The following MET variants were observed in gnomAD, a reference collection of about 807,000 sequenced individuals.
MET encodes MET proto-oncogene, receptor tyrosine kinase, also known as hepatocyte growth factor receptor.
In MET, 48 loss-of-function variants were observed where a neutral mutation model predicts 133.1. That is an observed-to-expected ratio of 0.36 (90% CI 0.29 to 0.46). The LOEUF is 0.46. Ranked by LOEUF, MET falls within the 20% of genes least tolerant of loss-of-function variation. The pLI is 1.00. For synonymous variants in MET, 628 were observed against 616.5 expected (o/e 1.02, Z -0.28); for missense variants, 1,442 against 1,695.9 (o/e 0.85, Z 2.63).
chr7:116,769,682 T>C lies in MET; in HGVS notation c.2621T>C (p.Val874Ala). The change falls in exon 12 of 21, where the codon GTG becomes GCG. Residue 874 changes from valine to alanine, a missense_variant. Around this residue, in one of 6 missense-constraint regions of MET, gnomAD observed 514 missense variants for 659.6 expected, o/e 0.78. Transcript: ENST00000397752. ...DIDPEAVKGEVLKVGNKSCEN... is the reference protein window; with the variant it reads ...DIDPEAVKGEALKVGNKSCEN... ...GACCCTGAAGCAGTTAAAGGTGAAG[T>C]GTTAAAAGTTGGAAATAAGAGCTGT... 6.2e-7 allele frequency: 1 copy of C among 1,611,938 alleles called. No homozygotes were observed. Among genetic ancestry groups the C allele is most frequent in the Non-Finnish European group, 8.5e-7 (1 of 1,179,422 alleles).
chr7:116,786,189 G>C (rs1003393893), intron 19 of MET, among the ~76,000 whole-genome samples: 1 of 152,152 alleles, frequency 6.6e-6, no homozygotes, highest in African/African-American at 2.4e-5. Context: ...AAAAGAATAA[G>C]AGTCAGTTCT....
chr7:116,703,425 T>G (rs1791652968), intron 2 of MET, among the ~76,000 whole-genome samples: 1 of 152,158 alleles, frequency 6.6e-6, no homozygotes, highest in Non-Finnish European at 1.5e-5. Context: ...AAATTAGTAT[T>G]GATTGAAGTT....
intron 1 of MET, among the ~76,000 whole-genome samples, chr7:116,681,152 C>A (rs1224464741): frequency 6.6e-6 from 1 of 152,084 alleles, no homozygotes; most frequent in African/African-American, 2.4e-5. Context: ...TTAGTCTGTC[C>A]TCCCCTCAGT....
chr7:116,780,539 C>T (rs1358836653), intron 17 of MET, among the ~76,000 whole-genome samples: 2 of 152,202 alleles, frequency 1.3e-5, no homozygotes, highest in African/African-American at 2.4e-5. Context: ...GTGCTACCTT[C>T]TCTAGGGTAC....
chr7:116,763,521 C>G (rs1210891084), intron 11 of MET, among the ~76,000 whole-genome samples: 1 of 152,178 alleles, frequency 6.6e-6, no homozygotes, highest in East Asian at 1.9e-4. Flanking sequence ...CACAAATTAT[C>G]CATTAAAGAG....
intron 3 of MET, among the ~76,000 whole-genome samples, chr7:116,738,181 T>C (rs1793298421): frequency 6.6e-6 from 1 of 152,214 alleles, no homozygotes; most frequent in African/African-American, 2.4e-5. Flanking sequence ...TGTTTTTGTT[T>C]TTGTTTTGTT....
intron 1 of MET, among the ~76,000 whole-genome samples, chr7:116,695,032 G>A (rs957884483): frequency 2.0e-5 from 3 of 152,098 alleles, no homozygotes; most frequent in African/African-American, 7.2e-5. Flanking sequence ...TGCATTAATG[G>A]ACATCAACTA....
At chr7:116,680,841 C>T (rs188852840) in intron 1 of MET, among the ~76,000 whole-genome samples, 96 of 152,140 alleles carry the variant, frequency 6.3e-4, no homozygotes, top group African/African-American at 2.1e-3. Context: ...ACTCAGGAGG[C>T]TGAGGTGGGA....
At chr7:116,709,572 C>T (rs192289298) in intron 2 of MET, among the ~76,000 whole-genome samples, 115 of 151,970 alleles carry the variant, frequency 7.6e-4, no homozygotes, top group African/African-American at 1.7e-3. Context: ...TTTGCTTGGC[C>T]GAGAAAGAAG....
In MET at chr7:116,699,764, T is replaced by G; in HGVS notation, c.680T>G (p.Met227Arg). The change falls in exon 2 of 21, where the codon ATG (methionine) becomes AGG (arginine). Residue 227 changes from methionine to arginine, a missense_variant. Physicochemically the swap from Met to Arg is moderately conservative, Grantham distance 91. This residue lies in a region of MET where 762 missense variants were observed against 792.4 expected (regional missense o/e 0.96). Transcript: ENST00000397752. ...CTAAAGGAAACGAAAGATGGTTTTA[T>G]GTTTTTGACGGACCAGTCCTACATT... ...RRLKETKDGFMFLTDQSYIDV... is the reference protein window; with the variant it reads ...RRLKETKDGFRFLTDQSYIDV... The G allele has an allele frequency of 6.2e-7, 1 of 1,614,132 alleles. No individual in the cohort carries two copies. Among genetic ancestry groups the G allele is most frequent in the Non-Finnish European group, 8.5e-7 (1 of 1,179,970 alleles).
intron 1 of MET, among the ~76,000 whole-genome samples, chr7:116,689,735 ATTT>A (rs998294531): frequency 6.6e-6 from 1 of 151,562 alleles, no homozygotes; most frequent in East Asian, 1.9e-4. Flanking sequence ...TGCCTGGCTA[ATTT>A]TTTTATTTTT....
chr7:116,724,803 C>T, intron 2 of MET: 2 of 1,288,812 alleles, frequency 1.6e-6, no homozygotes, highest in Non-Finnish European at 1.0e-6. Context: ...AGGTGAAGAC[C>T]CTGGAGCCAG....
At chr7:116,788,126 A>T (rs1053041007) in intron 19 of MET, among the ~76,000 whole-genome samples, 3 of 152,232 alleles carry the variant, frequency 2.0e-5, no homozygotes, top group Non-Finnish European at 4.4e-5. Context: ...AGAAAGAGGC[A>T]GAACTACAGA....
At chr7:116,680,950 T>G (rs1405135998) in intron 1 of MET, among the ~76,000 whole-genome samples, 2 of 151,594 alleles carry the variant, frequency 1.3e-5, no homozygotes, top group Non-Finnish European at 2.9e-5. Flanking sequence ...TCAGAAAAAG[T>G]GGGGGAGGGA....
intron 5 of MET, among the ~76,000 whole-genome samples, chr7:116,754,676 G>C (rs1253974728): frequency 1.3e-5 from 2 of 151,384 alleles, no homozygotes; most frequent in African/African-American, 4.9e-5. Context: ...AAATAGCCAA[G>C]CATGGTGGCC....
chr7:116,792,456 G>GACACAC (rs56212730), intron 19 of MET, among the ~76,000 whole-genome samples: 3,260 of 80,588 alleles, frequency 0.04, 85 homozygotes, highest in Admixed American at 0.061. Context: ...TCAACCGACA[G>GACACAC]ACACACACAC....
At chr7:116,682,919 AC>A (rs1324205447) in intron 1 of MET, among the ~76,000 whole-genome samples, 1 of 151,860 alleles carries the variant, frequency 6.6e-6, no homozygotes, top group Non-Finnish European at 1.5e-5. Flanking sequence ...TTTCCATGTC[AC>A]CCATTATTAC....
At chr7:116,752,422 C>A (rs1793958228) in intron 5 of MET, among the ~76,000 whole-genome samples, 2 of 152,174 alleles carry the variant, frequency 1.3e-5, no homozygotes, top group Non-Finnish European at 2.9e-5. Context: ...AGGTAGGAGA[C>A]CCAGCCTCTG....
intron 2 of MET, among the ~76,000 whole-genome samples, chr7:116,702,250 T>C (rs556318484): frequency 1.3e-5 from 2 of 152,286 alleles, no homozygotes; most frequent in Middle Eastern, 3.4e-3. Context: ...CTTGCCAACA[T>C]AGTCTTCTTA....
Sources: gnomAD v4.1 joint callset for allele counts (sites outside exome capture counted in the v4.1 genomes callset) on GRCh38, gnomAD v4.1.1 for gene constraint, gnomAD v4.1.1 regional missense constraint, MANE v1.5 for transcripts, NCBI Gene and HGNC (gene_info 2026-07-23, HGNC 2026-07-21) for gene names.